The following PRLR variants were observed in gnomAD, a reference collection of about 807,000 sequenced individuals.
PRLR encodes hPRL receptor.
A neutral mutation model predicts 40.2 loss-of-function variants in PRLR; 13 were observed. The ratio of observed to expected loss-of-function variants is 0.32; its 90% confidence interval spans 0.21 to 0.51. PRLR has a LOEUF of 0.51. Among genes scored for constraint, PRLR ranks in the 20% least tolerant of loss-of-function variants. The probability of loss-of-function intolerance (pLI) is 0.97; values close to 1 mark genes in which losing one functional copy is unlikely to be tolerated. For synonymous variants in PRLR, 269 were observed against 278.7 expected, an observed-to-expected ratio of 0.97 and a Z score of 0.35; for missense variants, 656 against 747.3, an observed-to-expected ratio of 0.88 and a Z score of 1.42.
intron 2 of PRLR, among the ~76,000 whole-genome samples, chr5:35,103,551 C>T (rs1011805959): frequency 6.6e-6 from 1 of 152,142 alleles, no homozygotes; most frequent in Admixed American, 6.5e-5. Context: ...TCCAAACATT[C>T]CTCTCTGAAA....
chr5:35,166,892 T>C (rs1352550699), intron 1 of PRLR, among the ~76,000 whole-genome samples: 1 of 152,170 alleles, frequency 6.6e-6, no homozygotes, highest in East Asian at 1.9e-4. Flanking sequence ...ATCTGGAAGT[T>C]TGTGGCTAAA....
At chr5:35,172,793 G>T (rs902254521) in intron 1 of PRLR, among the ~76,000 whole-genome samples, 1 of 152,132 alleles carries the variant, frequency 6.6e-6, no homozygotes, top group African/African-American at 2.4e-5. Context: ...TTTTACTGCC[G>T]ATGTACTTTG....
At chr5:35,154,872 C>A (rs543072327) in intron 1 of PRLR, among the ~76,000 whole-genome samples, 2 of 152,154 alleles carry the variant, frequency 1.3e-5, no homozygotes, top group Admixed American at 1.3e-4. Context: ...TTATCCCCAG[C>A]GAATTAATGC....
chr5:35,049,304 A>C, exon 9 of PRLR: 1 of 703,368 alleles, frequency 1.4e-6, no homozygotes. Flanking sequence ...ACTGTGGTCA[A>C]TGTTGCCTTT....
intron 3 of PRLR, among the ~76,000 whole-genome samples, chr5:35,088,411 T>C (rs37384): frequency 0.26 from 39,524 of 152,132 alleles, 9,152 homozygotes; most frequent in African/African-American, 0.62. Flanking sequence ...TTAAAAAGTT[T>C]AAAGCCTATG....
intron 1 of PRLR, among the ~76,000 whole-genome samples, chr5:35,182,929 A>G (rs1343814353): frequency 2.0e-5 from 3 of 152,198 alleles, no homozygotes; most frequent in African/African-American, 7.2e-5. Flanking sequence ...TGTGGGAAAT[A>G]ATAGTTTGTG....
intron 2 of PRLR, among the ~76,000 whole-genome samples, chr5:35,095,092 G>T (rs1183267454): frequency 6.6e-6 from 1 of 152,108 alleles, no homozygotes; most frequent in Non-Finnish European, 1.5e-5. Context: ...GCCTCCCAAA[G>T]GTCTGTGATT....
chr5:35,131,851 A>T (rs949845963), intron 1 of PRLR, among the ~76,000 whole-genome samples: 3 of 152,206 alleles, frequency 2.0e-5, no homozygotes, highest in Non-Finnish European at 4.4e-5. Flanking sequence ...TAGTGCTCTG[A>T]GTTCACTGCT....
chr5:35,129,910 A>G (rs1773606911), intron 1 of PRLR, among the ~76,000 whole-genome samples: 1 of 152,128 alleles, frequency 6.6e-6, no homozygotes, highest in East Asian at 1.9e-4. Context: ...TGGCACAAGG[A>G]TATCTGTCCA....
At chr5:35,108,659 G>A (rs1404124078) in intron 2 of PRLR, among the ~76,000 whole-genome samples, 1 of 152,016 alleles carries the variant, frequency 6.6e-6, no homozygotes, top group East Asian at 1.9e-4. Context: ...AACTTACAAG[G>A]GATGTGAAGG....
chr5:35,067,141 T>G (rs552493233), intron 9 of PRLR, among the ~76,000 whole-genome samples: 1 of 152,298 alleles, frequency 6.6e-6, no homozygotes, highest in South Asian at 2.1e-4. Flanking sequence ...GTATGTGACT[T>G]TGGACAAGCT....
In PRLR at chr5:35,087,033, G is replaced by A. The variant is rs370789870; in HGVS notation, c.71-693C>T. On this transcript the variant is annotated intron_variant, in intron 3 of 9. Transcript: ENST00000618457. ...TTTTGGGATGGAGTCTCACTCTATC[G>A]CCCAGGCTGGAGTGCAGTGGTGCGA... Among the ~76,000 whole-genome samples the A allele has an allele frequency of 4.4e-4, 67 of 151,562 alleles. 2 individuals are homozygous for A. In the South Asian group the frequency reaches 0.013, roughly 30 times the overall value.
chr5:35,216,392 G>A (rs1036743493), intron 1 of PRLR, among the ~76,000 whole-genome samples: 8 of 152,126 alleles, frequency 5.3e-5, no homozygotes, highest in African/African-American at 1.9e-4. Context: ...CAACAAAGTG[G>A]GAGGGGGACA....
chr5:35,131,812 G>T (rs760991454), intron 1 of PRLR, among the ~76,000 whole-genome samples: 3 of 152,128 alleles, frequency 2.0e-5, no homozygotes, highest in African/African-American at 7.2e-5. Context: ...CAGTGAGAAA[G>T]TTGCTCATGT....
chr5:35,208,965 G>T (rs1194881317), intron 1 of PRLR, among the ~76,000 whole-genome samples: 2 of 151,956 alleles, frequency 1.3e-5, no homozygotes, highest in Non-Finnish European at 2.9e-5. Flanking sequence ...TCCATATGAC[G>T]GAATGTTATA....
intron 1 of PRLR, among the ~76,000 whole-genome samples, chr5:35,216,439 T>C (rs1776290007): frequency 6.6e-6 from 1 of 152,154 alleles, no homozygotes. Flanking sequence ...GGCATCTTAG[T>C]AGAGTAAGCA....
At chr5:35,192,565 C>G (rs1775636080) in intron 1 of PRLR, among the ~76,000 whole-genome samples, 1 of 152,176 alleles carries the variant, frequency 6.6e-6, no homozygotes, top group African/African-American at 2.4e-5. Context: ...GAGTCACATT[C>G]CCAGACAGAG....
intron 2 of PRLR, among the ~76,000 whole-genome samples, chr5:35,095,163 A>G (rs1244252748): frequency 6.6e-6 from 1 of 152,170 alleles, no homozygotes; most frequent in East Asian, 1.9e-4. Context: ...ACAGAATGCC[A>G]ACACTTAATC....
intron 1 of PRLR, among the ~76,000 whole-genome samples, chr5:35,160,731 G>A (rs1056914075): frequency 8.5e-5 from 13 of 152,142 alleles, no homozygotes; most frequent in African/African-American, 2.4e-4. Context: ...GGCTTCACCC[G>A]GACCTGCCAA....
Sources: allele counts gnomAD v4.1 joint callset (sites outside exome capture counted in the v4.1 genomes callset), GRCh38; gene constraint gnomAD v4.1.1; transcripts MANE v1.5; gene names NCBI Gene and HGNC (gene_info 2026-07-23, HGNC 2026-07-21).